SPAG16: variants seen among roughly 807,000 people sequenced by gnomAD.
SPAG16 encodes sperm-associated antigen 16 protein.
In SPAG16, 86 loss-of-function variants were observed where a neutral mutation model predicts 80.4. The ratio of observed to expected loss-of-function variants is 1.07; its 90% CI spans 0.90 to 1.28. SPAG16 has a LOEUF of 1.28. Ranked by LOEUF, SPAG16 falls within the 50% of genes most tolerant of loss-of-function variation. SPAG16 has a pLI of 0.00. For synonymous variants in SPAG16, 294 were observed against 265.9 expected, an observed-to-expected ratio of 1.11 and a Z score of -1.03; for missense variants, 870 against 765.3, an observed-to-expected ratio of 1.14 and a Z score of -1.61.
At chr2:213,555,646 A>G (rs960596430) in intron 10 of SPAG16, among the ~76,000 whole-genome samples, 1 of 152,226 alleles carries the variant, frequency 6.6e-6, no homozygotes, top group African/African-American at 2.4e-5. Context: ...GAGACAAGAT[A>G]CATACATTCC....
chr2:213,791,069 G>A (rs1422896428), intron 10 of SPAG16, among the ~76,000 whole-genome samples: 3 of 151,874 alleles, frequency 2.0e-5, no homozygotes, highest in Non-Finnish European at 4.4e-5. Flanking sequence ...CTCCAATTGT[G>A]GTTAATTTAG....
chr2:213,286,660 A>G (rs1334303362), intron 1 of SPAG16, among the ~76,000 whole-genome samples: 1 of 152,232 alleles, frequency 6.6e-6, no homozygotes, highest in Non-Finnish European at 1.5e-5. Flanking sequence ...TGCTTCGCAC[A>G]TATACTCAAT....
chr2:213,466,030 GA>G (rs1474092543), intron 9 of SPAG16, among the ~76,000 whole-genome samples: 4 of 152,160 alleles, frequency 2.6e-5, no homozygotes, highest in Admixed American at 6.5e-5. Flanking sequence ...AAAGCAGACA[GA>G]AGAATGGAAA....
intron 10 of SPAG16, among the ~76,000 whole-genome samples, chr2:213,553,057 A>G (rs1303153529): frequency 2.0e-5 from 3 of 152,158 alleles, no homozygotes; most frequent in Non-Finnish European, 4.4e-5. Context: ...GCTTGAAGAC[A>G]GCCTATTGTG....
At chr2:214,228,900 T>C (rs1688483488) in intron 15 of SPAG16, among the ~76,000 whole-genome samples, 1 of 151,902 alleles carries the variant, frequency 6.6e-6, no homozygotes, top group South Asian at 2.1e-4. Flanking sequence ...AGAACCAATA[T>C]CTGATTTGAC....
At chr2:214,245,809 G>A (rs1363432083) in intron 15 of SPAG16, among the ~76,000 whole-genome samples, 1 of 152,040 alleles carries the variant, frequency 6.6e-6, no homozygotes, top group Non-Finnish European at 1.5e-5. Context: ...TGTTTTATTG[G>A]GTTAGAGCCC....
intron 12 of SPAG16, among the ~76,000 whole-genome samples, chr2:213,994,448 G>A (rs893549348): frequency 2.6e-5 from 4 of 152,026 alleles, no homozygotes; most frequent in African/African-American, 7.2e-5. Context: ...TATCATTCTG[G>A]TCAACAGAAT....
intron 10 of SPAG16, among the ~76,000 whole-genome samples, chr2:213,626,734 G>A (rs2061975869): frequency 7.2e-6 from 1 of 138,142 alleles, no homozygotes; most frequent in African/African-American, 2.7e-5. Flanking sequence ...TGCAACCTCC[G>A]CCTCCTGAGT....
intron 9 of SPAG16, among the ~76,000 whole-genome samples, chr2:213,429,684 A>G (rs997286976): frequency 3.3e-5 from 5 of 152,148 alleles, no homozygotes; most frequent in Non-Finnish European, 1.5e-5. Context: ...CTGGTACACC[A>G]CTACTACAAC....
chr2:214,068,789 C>G (rs1169872506), intron 13 of SPAG16, among the ~76,000 whole-genome samples: 1 of 152,006 alleles, frequency 6.6e-6, no homozygotes, highest in Admixed American at 6.6e-5. Flanking sequence ...TCTTCCGAAG[C>G]AGAATTTTAA....
At chr2:213,871,842 A>G (rs1271530751) in intron 11 of SPAG16, among the ~76,000 whole-genome samples, 1 of 29,806 alleles carries the variant, frequency 3.4e-5, no homozygotes, top group African/African-American at 5.3e-5. Context: ...GGAAATTCAC[A>G]CACACACACA....
Position 213,698,771 on chromosome 2 carries a change from G to A in SPAG16, c.1071-163714G>A, listed in dbSNP as rs114124903. 3.0e-3 allele frequency among the ~76,000 whole-genome samples: 456 copies of A among 152,218 alleles called. 6 individuals carry two copies. Among genetic ancestry groups the A allele is most frequent in the Admixed American group, 0.017 (254 of 15,286 alleles). ...CCTGCTCCATGGCACACTCATGTCC[G>A]ACTGCAGTGATTAACTGTATTGGAT... On this transcript the variant is annotated intron_variant, in intron 10 of 15. Transcript: ENST00000331683.
chr2:213,900,887 A>G (rs190359306), intron 11 of SPAG16, among the ~76,000 whole-genome samples: 37 of 152,300 alleles, frequency 2.4e-4, no homozygotes, highest in Middle Eastern at 6.8e-3. Context: ...CCATAACTAT[A>G]TCCTGTGTTT....
At chr2:213,996,509 C>T (rs10498012) in intron 12 of SPAG16, among the ~76,000 whole-genome samples, 8,564 of 151,196 alleles carry the variant, frequency 0.057, 263 homozygotes, top group South Asian at 0.11. Flanking sequence ...CATTGAATCA[C>T]AGTGCCTTAA....
chr2:214,368,498 C>T (rs1170208097), intron 15 of SPAG16, among the ~76,000 whole-genome samples: 1 of 152,046 alleles, frequency 6.6e-6, no homozygotes, highest in Non-Finnish European at 1.5e-5. Flanking sequence ...TGTTCTATTT[C>T]ATCCTACCTC....
intron 12 of SPAG16, among the ~76,000 whole-genome samples, chr2:213,966,874 C>A (rs1199183401): frequency 6.6e-6 from 1 of 152,100 alleles, no homozygotes; most frequent in African/African-American, 2.4e-5. Flanking sequence ...CTTTGTTCCT[C>A]CATTCATTAA....
intron 9 of SPAG16, among the ~76,000 whole-genome samples, chr2:213,383,716 C>T (rs921958329): frequency 2.0e-5 from 3 of 152,170 alleles, no homozygotes; most frequent in African/African-American, 7.2e-5. Context: ...CACCAACTAG[C>T]TCCTTTTGCC....
At chr2:214,195,695 C>A (rs932772901) in intron 15 of SPAG16, among the ~76,000 whole-genome samples, 5 of 151,736 alleles carry the variant, frequency 3.3e-5, no homozygotes, top group African/African-American at 1.2e-4. Context: ...GAAGACTGGG[C>A]AAAAGTAGAA....
At position 213,767,881 on chromosome 2, in the gene SPAG16, T is replaced by G. The variant is rs557536293; in HGVS notation, c.1071-94604T>G. Among the ~76,000 whole-genome samples, 6 of 152,312 alleles carry G rather than the reference T, an allele frequency of 3.9e-5. No homozygotes were observed. The South Asian group carries it at 1.2e-3, about 32-fold the overall frequency. On this transcript the variant is annotated intron_variant, in intron 10 of 15. Coordinates refer to ENST00000331683, the MANE Select transcript of SPAG16 (RefSeq NM_024532.5). The stretch of plus-strand genomic sequence containing the variant: ...AAATGGTACAGAAGTAGACAAGATG[T>G]AGTCTACTCTTTCAGAGTTTGTAGA...
Sources: allele counts gnomAD v4.1 joint callset (sites outside exome capture counted in the v4.1 genomes callset), GRCh38; gene constraint gnomAD v4.1.1; transcripts MANE v1.5; gene names NCBI Gene and HGNC (gene_info 2026-07-23, HGNC 2026-07-21).